Variants in SNX29 observed in about 807,000 individuals in gnomAD.
SNX29 encodes the protein sorting nexin 29.
A neutral mutation model predicts 102.1 loss-of-function variants in SNX29; 78 were observed. That is an observed-to-expected ratio of 0.76 (90% CI 0.64 to 0.92). The LOEUF (loss-of-function observed/expected upper bound fraction) is 0.92. SNX29 is among the 40% of genes least tolerant of loss of function. SNX29 has a pLI of 0.00. For missense variants in SNX29, 1,280 were observed against 1,061.7 expected (o/e 1.21, Z -2.86); for synonymous variants, 580 against 414.5 (o/e 1.40, Z -4.85).
intron 2 of SNX29, among the ~76,000 whole-genome samples, chr16:11,999,817 C>T (rs1272203217): frequency 6.6e-6 from 1 of 151,888 alleles, no homozygotes; most frequent in Non-Finnish European, 1.5e-5. Context: ...AGGAGAATTG[C>T]TTGAACCTGG....
At chr16:12,124,218 T>G (rs1250161040) in intron 11 of SNX29, among the ~76,000 whole-genome samples, 2 of 151,954 alleles carry the variant, frequency 1.3e-5, no homozygotes, top group Admixed American at 6.6e-5. Flanking sequence ...TAGCCAGGCG[T>G]GGTGGCAGGC....
At chr16:11,997,814 C>G (rs2056141972) in intron 1 of SNX29, among the ~76,000 whole-genome samples, 1 of 152,154 alleles carries the variant, frequency 6.6e-6, no homozygotes, top group African/African-American at 2.4e-5. Context: ...GAAGATGGAT[C>G]TTTTACACCA....
intron 19 of SNX29, among the ~76,000 whole-genome samples, chr16:12,517,894 C>T (rs1407655009): frequency 6.6e-6 from 1 of 152,034 alleles, no homozygotes; most frequent in Admixed American, 6.6e-5. Context: ...GCAAGGCCTT[C>T]TGGGACATCC....
chr16:12,306,858 T>TTGGGGAGG (rs985117674), intron 15 of SNX29, among the ~76,000 whole-genome samples: 6 of 152,286 alleles, frequency 3.9e-5, no homozygotes, highest in Middle Eastern at 3.4e-3. Flanking sequence ...GCTTTGTCTT[T>TTGGGGAGG]TGGGGAGGTG....
chr16:12,431,231 C>G (rs1402795907), intron 18 of SNX29, among the ~76,000 whole-genome samples: 1 of 151,982 alleles, frequency 6.6e-6, no homozygotes, highest in East Asian at 1.9e-4. Context: ...GACGAGATGT[C>G]TGGGCAAAGG....
At chr16:12,273,683 T>A (rs1450607425) in intron 14 of SNX29, among the ~76,000 whole-genome samples, 4 of 152,146 alleles carry the variant, frequency 2.6e-5, no homozygotes, top group Admixed American at 2.0e-4. Context: ...ATTCACAAAT[T>A]GTGCAACCAT....
intron 1 of SNX29, among the ~76,000 whole-genome samples, chr16:11,997,623 G>C (rs1431962576): frequency 6.6e-6 from 1 of 151,986 alleles, no homozygotes; most frequent in East Asian, 1.9e-4. Context: ...GACCACAGGT[G>C]TGTGCCACCA....
intron 18 of SNX29, among the ~76,000 whole-genome samples, chr16:12,434,605 G>A (rs750615916): frequency 2.6e-5 from 4 of 152,146 alleles, no homozygotes; most frequent in Non-Finnish European, 4.4e-5. Flanking sequence ...CCAAAGCAGG[G>A]CCTTCCCATA....
At chr16:12,260,977 C>CGT (rs2078730686) in intron 14 of SNX29, among the ~76,000 whole-genome samples, 1 of 131,666 alleles carries the variant, frequency 7.6e-6, no homozygotes, top group African/African-American at 2.9e-5. Flanking sequence ...TGTGTGCGCG[C>CGT]CCCCGGCTGG....
At chr16:12,348,012 G>A (rs112284324) in intron 15 of SNX29, among the ~76,000 whole-genome samples, 6,273 of 152,006 alleles carry the variant, frequency 0.041, 411 homozygotes, top group African/African-American at 0.14. Context: ...CCAGGAGGTC[G>A]AGGCTGCATG....
At chr16:12,279,663 G>A (rs2079369968) in intron 15 of SNX29, among the ~76,000 whole-genome samples, 1 of 152,192 alleles carries the variant, frequency 6.6e-6, no homozygotes, top group Non-Finnish European at 1.5e-5. Flanking sequence ...CTTGTGTCAG[G>A]ATTCGAACCC....
chr16:12,013,500 A>AAAAAAAATATATATATAT, intron 3 of SNX29, among the ~76,000 whole-genome samples: 11 of 31,618 alleles, frequency 3.5e-4, no homozygotes, highest in Admixed American at 5.6e-4. Context: ...AAAAAAAAAA[A>AAAAAAAATATATATATAT]ATATATATAT....
chr16:12,355,763 T>C (rs2082111848), intron 15 of SNX29, among the ~76,000 whole-genome samples: 1 of 140,192 alleles, frequency 7.1e-6, no homozygotes, highest in African/African-American at 2.7e-5. Flanking sequence ...CAGAGTGGAG[T>C]GGCAGGACCA....
At chr16:11,977,048 TA>T in intron 1 of SNX29, 1 of 425,808 alleles carries the variant, frequency 2.3e-6, no homozygotes. Context: ...TGTCCATCCA[TA>T]AAAACCAGCT....
intron 17 of SNX29, among the ~76,000 whole-genome samples, chr16:12,402,503 G>A (rs1395804725): frequency 2.0e-5 from 3 of 152,216 alleles, no homozygotes; most frequent in Non-Finnish European, 1.5e-5. Flanking sequence ...GTGCAGCACC[G>A]TTTTGATAAT....
At chr16:12,561,595 G>C (rs567417359) in intron 20 of SNX29, among the ~76,000 whole-genome samples, 1 of 152,058 alleles carries the variant, frequency 6.6e-6, no homozygotes, top group African/African-American at 2.4e-5. Flanking sequence ...CCGCATGCTG[G>C]TGACAGGACA....
chr16:12,010,408 T>G (rs8044943), intron 3 of SNX29, among the ~76,000 whole-genome samples: 63,691 of 151,884 alleles, frequency 0.42, 13,983 homozygotes, highest in Non-Finnish European at 0.48. Flanking sequence ...GATCACTTGA[T>G]CCCAGGAGTT....
intron 8 of SNX29, among the ~76,000 whole-genome samples, chr16:12,058,626 T>G (rs1455177654): frequency 2.0e-5 from 3 of 151,150 alleles, no homozygotes; most frequent in Non-Finnish European, 4.4e-5. Flanking sequence ...TCCAAGTAGC[T>G]GGGATTACAA....
intron 20 of SNX29, among the ~76,000 whole-genome samples, chr16:12,562,403 CCATA>C: frequency 1.3e-5 from 2 of 152,284 alleles, no homozygotes; most frequent in East Asian, 3.9e-4. Context: ...AGATCACATA[CCATA>C]CAATTTACCC....
Sources: allele counts gnomAD v4.1 joint callset (sites outside exome capture counted in the v4.1 genomes callset), GRCh38; gene constraint gnomAD v4.1.1; transcripts MANE v1.5; gene names NCBI Gene and HGNC (gene_info 2026-07-23, HGNC 2026-07-21).